Variants in GRK7 observed in about 807,000 individuals in gnomAD.
GRK7 encodes rhodopsin kinase GRK7.
GRK7 carries 24 observed loss-of-function variants against 34.1 expected under a neutral mutation model. The ratio of observed to expected loss-of-function variants is 0.70; its 90% CI spans 0.51 to 0.99. GRK7 has a LOEUF of 0.99. Ranked by LOEUF, GRK7 falls within the 50% of genes least tolerant of loss-of-function variation. GRK7 has a pLI of 0.00. For missense variants in GRK7, 644 were observed against 707.3 expected (o/e 0.91, Z 1.02); for synonymous variants, 256 against 279.4 (o/e 0.92, Z 0.84).
the GRK7 span, among the ~76,000 whole-genome samples, chr3:141,756,504 C>T: frequency 1.2e-3 from 188 of 152,272 alleles, no homozygotes; most frequent in African/African-American, 4.4e-3. Context: ...GATTGTCTCT[C>T]AGCGAGGGGT....
At chr3:141,788,418 C>T (rs1286633884) in intron 4 of GRK7, among the ~76,000 whole-genome samples, 5 of 152,092 alleles carry the variant, frequency 3.3e-5, no homozygotes, top group Non-Finnish European at 5.9e-5. Context: ...GGGTCCTGGG[C>T]TCTAAACAGA....
chr3:141,758,891 C>G (rs1484839205), upstream of GRK7, among the ~76,000 whole-genome samples: 1 of 150,566 alleles, frequency 6.6e-6, no homozygotes, highest in Non-Finnish European at 1.5e-5. Context: ...AGTTGGATTC[C>G]TAAGTATTTT....
chr3:141,817,012 G>T lies in GRK7; in HGVS notation c.1624G>T (p.Gly542Cys), dbSNP rs760253615. 2 of 1,610,588 alleles carry T rather than the reference G, an allele frequency of 1.2e-6. No homozygotes were observed. The highest frequency in any genetic ancestry group is 2.7e-5 in the African/African-American group (2 of 74,814). The part of the protein sequence containing the change: ...DPNRPTGCEE[G>C]NSSKSGVCLL... ...CAACAGACCTACGGGTTGTGAGGAG[G>T]GTAATTCATCCAAGTCTGGCGTGTG... is the stretch of plus-strand genomic sequence containing the variant. Residue 542 changes from glycine (G) to cysteine (C), a missense_variant, in exon 6 of 6, where the codon GGT (glycine) becomes TGT (cysteine). Transcript: ENST00000682958.
intron 4 of GRK7, among the ~76,000 whole-genome samples, chr3:141,805,646 C>A (rs1414179993): frequency 6.6e-6 from 1 of 152,182 alleles, no homozygotes; most frequent in Non-Finnish European, 1.5e-5. Context: ...CTTGTTCAGG[C>A]CAATCACTCT....
At chr3:141,800,585 A>G (rs1183895587) in intron 4 of GRK7, among the ~76,000 whole-genome samples, 1 of 152,234 alleles carries the variant, frequency 6.6e-6, no homozygotes, top group South Asian at 2.1e-4. Context: ...AGGAACATTC[A>G]GAGAACAACA....
At chr3:141,771,499 TAG>T (rs911528492) in intron 1 of GRK7, among the ~76,000 whole-genome samples, 6 of 151,532 alleles carry the variant, frequency 4.0e-5, no homozygotes, top group Admixed American at 6.6e-5. Context: ...AGAAATTACT[TAG>T]AGAGTAGAAT....
Position 141,778,625 on chromosome 3 carries a change from C to A in GRK7, c.341C>A (p.Ala114Glu). ...CTGCAGGGGCTGGTGGCCACTTGTGCGAGTGCCCCTGCCCCGGGGAACCCG... is the reference window on the plus strand; with the variant it reads ...CTGCAGGGGCTGGTGGCCACTTGTGAGAGTGCCCCTGCCCCGGGGAACCCG... ...SALQGLVATC[A>E]SAPAPGNPQP... The change falls in exon 3 of 6, where the codon GCG becomes GAG. Residue 114 changes from alanine (A) to glutamate (E), a missense_variant. Physicochemically the swap from Ala to Glu is moderately radical, Grantham distance 107. Transcript: ENST00000682958. This position sits in a 1 kb window ranked among gnomAD's most constrained non-coding sequence, Gnocchi z 4.1. 6.2e-7 allele frequency: 1 copy of A among 1,612,144 alleles called. No homozygotes were observed. Among genetic ancestry groups the A allele is most frequent in the Non-Finnish European group, 8.5e-7 (1 of 1,179,198 alleles).
intron 3 of GRK7, among the ~76,000 whole-genome samples, chr3:141,779,822 A>G (rs543818975): frequency 6.6e-6 from 1 of 152,328 alleles, no homozygotes; most frequent in African/African-American, 2.4e-5. Context: ...TTTGGGGTTC[A>G]TTCACACTGT....
chr3:141,767,177 T>C (rs2084593107), intron 1 of GRK7, among the ~76,000 whole-genome samples: 1 of 152,204 alleles, frequency 6.6e-6, no homozygotes, highest in African/African-American at 2.4e-5. Context: ...CATGTGCAAC[T>C]TCTCCTATCT....
chr3:141,802,755 G>A (rs935799049), intron 4 of GRK7, among the ~76,000 whole-genome samples: 9 of 152,068 alleles, frequency 5.9e-5, no homozygotes, highest in Non-Finnish European at 1.2e-4. Flanking sequence ...ATGACATGTC[G>A]GCAATATAGC....
At chr3:141,787,025 G>A (rs1480859225) in intron 4 of GRK7, among the ~76,000 whole-genome samples, 1 of 152,100 alleles carries the variant, frequency 6.6e-6, no homozygotes, top group African/African-American at 2.4e-5. Flanking sequence ...AAGGAAACAG[G>A]GGCCTCCTTT....
At chr3:141,783,859 C>A (rs1225310181) in intron 4 of GRK7, among the ~76,000 whole-genome samples, 2 of 152,112 alleles carry the variant, frequency 1.3e-5, no homozygotes, top group East Asian at 3.8e-4. Flanking sequence ...GAAGGAGGAG[C>A]AGGCCAGGGA....
At chr3:141,800,380 TAAAAAAAAAAA>T (rs5853047) in intron 4 of GRK7, among the ~76,000 whole-genome samples, 1 of 79,578 alleles carries the variant, frequency 1.3e-5, no homozygotes, top group Non-Finnish European at 2.4e-5. Context: ...TTGTCATTTG[TAAAAAAAAAAA>T]AAAAAAAAAA....
At chr3:141,787,662 G>A (rs1188850937) in intron 4 of GRK7, among the ~76,000 whole-genome samples, 5 of 150,550 alleles carry the variant, frequency 3.3e-5, no homozygotes, top group African/African-American at 1.2e-4. Context: ...AAGATATCAA[G>A]GTGCTGGACA....
Position 141,780,565 on chromosome 3 carries a change from G to A in GRK7, c.804G>A (p.Met268Ile). 6.2e-7 allele frequency: 1 copy of A among 1,614,240 alleles called. No individual in the cohort carries two copies. Among genetic ancestry groups the A allele is most frequent in the Non-Finnish European group, 8.5e-7 (1 of 1,180,044 alleles). ...FESKTHLCLV[M>I]SLMNGGDLKF... ...GCAAGACCCATCTCTGCCTTGTCAT[G>A]AGCCTGATGAATGGGGGAGACCTCA... Residue 268 changes from methionine (M) to isoleucine (I), a missense_variant, in exon 4 of 6, where the codon ATG (methionine) becomes ATA (isoleucine). Physicochemically the swap from Met to Ile is conservative, Grantham distance 10. Coordinates refer to ENST00000682958, the MANE Select transcript of GRK7 (RefSeq NM_139209.3).
At chr3:141,756,515 A>T in the GRK7 span, among the ~76,000 whole-genome samples, 1 of 152,184 alleles carries the variant, frequency 6.6e-6, no homozygotes, top group Non-Finnish European at 1.5e-5. Context: ...AGCGAGGGGT[A>T]TTGACTGGAA....
chr3:141,774,159 A>T (rs1325550490), intron 1 of GRK7, among the ~76,000 whole-genome samples: 1 of 152,202 alleles, frequency 6.6e-6, no homozygotes, highest in African/African-American at 2.4e-5. Context: ...CCAGCCGGGC[A>T]TGGTAGCTCA....
At chr3:141,793,063 C>A (rs1222051656) in intron 4 of GRK7, among the ~76,000 whole-genome samples, 1 of 152,212 alleles carries the variant, frequency 6.6e-6, no homozygotes, top group African/African-American at 2.4e-5. Flanking sequence ...AACTTGGGAC[C>A]CTTCCAGACT....
chr3:141,792,809 G>A (rs1163382804), intron 4 of GRK7, among the ~76,000 whole-genome samples: 2 of 152,346 alleles, frequency 1.3e-5, no homozygotes, highest in East Asian at 3.9e-4. Context: ...GCTGCAGGAT[G>A]GAGACTGGTC....
Sources: allele counts gnomAD v4.1 joint callset (sites outside exome capture counted in the v4.1 genomes callset), GRCh38; gene constraint gnomAD v4.1.1; non-coding constraint Gnocchi (gnomAD v3.1); transcripts MANE v1.5; gene names NCBI Gene and HGNC (gene_info 2026-07-23, HGNC 2026-07-21).